Variants in DNAH1 observed in about 807,000 individuals in gnomAD.
DNAH1 encodes the protein axonemal beta dynein heavy chain 1.
DNAH1 carries 327 observed loss-of-function variants against 484.3 expected under a neutral mutation model. The observed-to-expected ratio is 0.68, with a 90% CI of 0.62 to 0.74. DNAH1 has a LOEUF of 0.74. Among genes scored for constraint, DNAH1 ranks in the 30% least tolerant of loss-of-function variants. DNAH1 has a pLI of 0.00. For synonymous variants in DNAH1, 2,192 were observed against 2,191.9 expected (o/e 1.00, Z 0.00); for missense variants, 5,052 against 5,546.8 (o/e 0.91, Z 2.83).
chr3:52,398,142 A>AC lies in DNAH1; in HGVS notation c.12070dup (p.Leu4024ProfsTer7), dbSNP rs1215558613. ...TGTATGAGGAATCAATGAACACAGT[A>AC]CTAGTACAAGAGGTCATTAGGTAAT... On this transcript the variant is annotated frameshift_variant, in exon 75 of 78. Transcript: ENST00000420323. LOFTEE classifies it high-confidence loss of function. 1.4e-5 allele frequency: 23 copies of AC among 1,611,862 alleles called. No homozygotes were observed. The highest frequency in any genetic ancestry group is 2.0e-5 in the Non-Finnish European group (23 of 1,179,150).
intron 8 of DNAH1, among the ~76,000 whole-genome samples, chr3:52,339,804 CTG>C (rs59262545): frequency 0.023 from 3,305 of 145,316 alleles, 37 homozygotes; most frequent in Middle Eastern, 0.068. Flanking sequence ...GTGTGTGTGT[CTG>C]TGTGTGTGTG....
At chr3:52,369,324 G>C (rs1466824767) in intron 37 of DNAH1, among the ~76,000 whole-genome samples, 1 of 152,184 alleles carries the variant, frequency 6.6e-6, no homozygotes, top group Non-Finnish European at 1.5e-5. Flanking sequence ...CCCGGGGTCT[G>C]GGAGATGGAT....
chr3:52,336,741 G>T (rs1701755725), intron 8 of DNAH1, among the ~76,000 whole-genome samples: 1 of 152,184 alleles, frequency 6.6e-6, no homozygotes, highest in African/African-American at 2.4e-5. Context: ...TCAGATGGCT[G>T]TAGGTGTGTG....
chr3:52,327,772 C>T lies in DNAH1; in HGVS notation c.739-110C>T. The T allele has an allele frequency of 7.5e-6, 10 of 1,326,354 alleles. No individual in the cohort carries two copies. The South Asian group carries it at 1.2e-4, about 16-fold the overall frequency. The allele number at this position is 1,326,354 out of a possible 1,614,324, so 82.2% of individuals were successfully genotyped here. Reference sequence around the variant, plus strand: ...GCCCCCAGTGCCACCTTGCAGCTCTCTCACCTGGGGAGGGTATTACTTAGG... The same window carrying T: ...GCCCCCAGTGCCACCTTGCAGCTCTTTCACCTGGGGAGGGTATTACTTAGG... On this transcript the variant is annotated intron_variant, in intron 5 of 77. Transcript: ENST00000420323.
chr3:52,351,169 T>C (rs1307945613), intron 16 of DNAH1, among the ~76,000 whole-genome samples: 3 of 152,362 alleles, frequency 2.0e-5, no homozygotes, highest in African/African-American at 7.2e-5. Context: ...TATTTTACTG[T>C]GGACCTAGGG....
Position 52,346,542 on chromosome 3 carries a change from T to C in DNAH1, c.1727T>C (p.Met576Thr). 6.2e-7 allele frequency: 1 copy of C among 1,614,020 alleles called. No homozygotes were observed. The highest frequency in any genetic ancestry group is 8.5e-7 in the Non-Finnish European group (1 of 1,179,876). ...KVAMRSSLRDMSKGWYNLYET... is the reference protein window; with the variant it reads ...KVAMRSSLRDTSKGWYNLYET... The stretch of plus-strand genomic sequence containing the variant: ...GCCATGCGCAGCAGCCTGCGCGACA[T>C]GAGCAAGGGCTGGTACAACCTCTAC... Residue 576 changes from methionine (M) to threonine (T), a missense_variant, in exon 11 of 78, where the codon ATG becomes ACG. Around this residue, in one of 4 missense-constraint regions of DNAH1, gnomAD observed 1,263 missense variants for 1,218.8 expected, o/e 1.04. Transcript: ENST00000420323.
At chr3:52,338,502 C>T (rs1170978694) in intron 8 of DNAH1, among the ~76,000 whole-genome samples, 2 of 152,130 alleles carry the variant, frequency 1.3e-5, no homozygotes, top group African/African-American at 2.4e-5. Context: ...CTCTATTAAA[C>T]GTATCAATAT....
chr3:52,383,939 G>C lies in DNAH1; in HGVS notation c.8230G>C (p.Glu2744Gln), dbSNP rs761944371. The change falls in exon 52 of 78, where the codon GAG (glutamate) becomes CAG (glutamine). Residue 2744 changes from glutamate to glutamine, a missense_variant. Physicochemically the swap from Glu to Gln is conservative, Grantham distance 29. Transcript: ENST00000420323. ...VNCCTIDWFNEWPAEALKSVA... is the reference protein window; with the variant it reads ...VNCCTIDWFNQWPAEALKSVA... ...CTGCTGTACCATCGACTGGTTTAAC[G>C]AGTGGCCGGCAGAAGCCCTGAAGTC... The C allele has an allele frequency of 1.2e-6, 2 of 1,613,310 alleles. No individual in the cohort carries two copies. The highest frequency in any genetic ancestry group is 8.5e-7 in the Non-Finnish European group (1 of 1,179,598).
chr3:52,350,676 C>T, intron 16 of DNAH1, 86 bp downstream of exon 16: 1 of 1,218,926 alleles, frequency 8.2e-7, no homozygotes, highest in Non-Finnish European at 1.2e-6. Context: ...AATGCCCCAG[C>T]TGCCACAGTC....
intron 56 of DNAH1, among the ~76,000 whole-genome samples, chr3:52,387,825 TTCAC>T (rs1260316153): frequency 2.6e-5 from 4 of 152,180 alleles, no homozygotes; most frequent in Non-Finnish European, 5.9e-5. Flanking sequence ...CTCAGAACCA[TTCAC>T]TCATCCCAAT....
At chr3:52,371,875 C>T (rs1703354111) in intron 41 of DNAH1, 71 bp from the exon 42 acceptor site, 1 of 1,577,256 alleles carries the variant, frequency 6.3e-7, no homozygotes, top group African/African-American at 1.3e-5. Flanking sequence ...CTGCACTTGG[C>T]CATGGGGCCG....
At position 52,388,376 on chromosome 3, in the gene DNAH1, G is replaced by A. The variant is rs556411087; in HGVS notation, c.9171+42G>A. ...GCTGGTGGGGGAGGGCTCCCCTCCCGGGGGTACTTGGCGAGCTAATCCTGC... is the reference window on the plus strand; with the variant it reads ...GCTGGTGGGGGAGGGCTCCCCTCCCAGGGGTACTTGGCGAGCTAATCCTGC... On this transcript the variant is annotated intron_variant, in intron 57 of 77. Coordinates refer to ENST00000420323, the MANE Select transcript of DNAH1 (RefSeq NM_015512.5). 3.5e-4 allele frequency: 558 copies of A among 1,600,464 alleles called. 1 individual carries two copies. The highest frequency in any genetic ancestry group is 2.2e-3 in the Middle Eastern group (13 of 6,044).
chr3:52,378,905 C>T lies in DNAH1; in HGVS notation c.7377+125C>T. 1.7e-5 allele frequency: 21 copies of T among 1,237,748 alleles called. No individual in the cohort carries two copies. The South Asian group carries it at 2.9e-4, about 17-fold the overall frequency. 76.7% of individuals were successfully genotyped at this position (1,237,748 alleles called of 1,614,324 possible). On this transcript the variant is annotated intron_variant, in intron 47 of 77. Transcript: ENST00000420323. ...TGGGGCTTCCTGGAACATGGAGGTG[C>T]CAGGCCCTCCAGAGCCCAGCCTTGG...
intron 16 of DNAH1, among the ~76,000 whole-genome samples, chr3:52,351,047 A>C (rs1032442150): frequency 2.0e-5 from 3 of 152,172 alleles, no homozygotes; most frequent in African/African-American, 7.2e-5. Context: ...ATGGGGTTTC[A>C]CCATGTTGGC....
At chr3:52,311,245 C>T in the DNAH1 span, among the ~76,000 whole-genome samples, 2 of 152,182 alleles carry the variant, frequency 1.3e-5, no homozygotes, top group African/African-American at 4.8e-5. Context: ...CCTTGAGGCC[C>T]TGCGCCTCCA....
rs1702791940 is a variant in DNAH1 at position 52,360,062 on chromosome 3, G to A, written c.4554G>A (p.Gln1518=). The change falls in exon 27 of 78, where the codon CAG becomes CAA. Residue 1518 remains glutamine (Q), a synonymous_variant. Coordinates refer to ENST00000420323, the MANE Select transcript of DNAH1 (RefSeq NM_015512.5). The stretch of plus-strand genomic sequence containing the variant: ...ACGTGGTCAGCGTGAATGACTTCCA[G>A]TGGATCTCACAGCTGAGGTGAGGAC... The part of the protein sequence containing the change: ...QENVVSVNDF[Q]WISQLRYYWT... 1.2e-6 allele frequency: 2 copies of A among 1,613,900 alleles called. No homozygotes were observed. Among genetic ancestry groups the A allele is most frequent in the African/African-American group, 2.7e-5 (2 of 75,072 alleles).
chr3:52,349,880 G>A, intron 14 of DNAH1, 109 bp from the exon 15 acceptor site: 1 of 1,446,900 alleles, frequency 6.9e-7, no homozygotes, highest in Non-Finnish European at 9.3e-7. Flanking sequence ...TGTTGTGGTG[G>A]AGGGGACAGT....
intron 6 of DNAH1, among the ~76,000 whole-genome samples, chr3:52,329,635 G>A (rs1701470325): frequency 1.3e-5 from 2 of 152,106 alleles, no homozygotes; most frequent in Non-Finnish European, 2.9e-5. Context: ...AGACCAGCCT[G>A]AACAACAGAT....
rs545470234 is a variant in DNAH1, at chr3:52,355,401, T to G, written c.3693+346T>G. 3.4e-4 allele frequency among the ~76,000 whole-genome samples: 52 copies of G among 152,332 alleles called. No individual in the cohort carries two copies. Among genetic ancestry groups the G allele is most frequent in the Admixed American group, 2.4e-3 (37 of 15,308 alleles). On this transcript the variant is annotated intron_variant, in intron 21 of 77. Transcript: ENST00000420323. This position sits in a 1 kb window ranked among gnomAD's most constrained non-coding sequence, Gnocchi z 4.5. ...ACCAGGTCCTCCAGTACTGACACTT[T>G]CTGGGCCGGATGTCCCAAGGTCCCA...
Sources: allele counts gnomAD v4.1 joint callset (sites outside exome capture counted in the v4.1 genomes callset), GRCh38; gene constraint gnomAD v4.1.1; regional missense constraint gnomAD v4.1.1; non-coding constraint Gnocchi (gnomAD v3.1); transcripts MANE v1.5; gene names NCBI Gene and HGNC (gene_info 2026-07-23, HGNC 2026-07-21).